The following CACNA1A variants were observed in gnomAD, a reference collection of about 807,000 sequenced individuals.
The protein encoded by CACNA1A is calcium voltage-gated channel subunit alpha1 A, also known as voltage-dependent P/Q-type calcium channel subunit alpha-1A.
A neutral mutation model predicts 262.4 loss-of-function variants in CACNA1A; 57 were observed. That is an observed-to-expected ratio of 0.22 (90% CI 0.18 to 0.27). The LOEUF is 0.27. CACNA1A is among the 10% of genes least tolerant of loss of function. CACNA1A has a pLI of 1.00. For synonymous variants in CACNA1A, 1,431 were observed against 1,419.3 expected (o/e 1.01, Z -0.18); for missense variants, 2,526 against 3,562.8 (o/e 0.71, Z 7.41).
At chr19:13,481,644 T>TCA (rs1428643330) in intron 1 of CACNA1A, among the ~76,000 whole-genome samples, 2 of 152,096 alleles carry the variant, frequency 1.3e-5, no homozygotes, top group African/African-American at 4.8e-5. Context: ...TCAGGCGGGC[T>TCA]CACACCATTG....
chr19:13,294,431 C>T (rs2057616518), intron 19 of CACNA1A, among the ~76,000 whole-genome samples: 1 of 150,918 alleles, frequency 6.6e-6, no homozygotes, highest in Non-Finnish European at 1.5e-5. Context: ...CTCAAGCAAT[C>T]CTTTGCCTCA....
At position 13,219,963 on chromosome 19, in the gene CACNA1A, A is replaced by AAG. The variant is rs1555734076; in HGVS notation, c.5731+4703_5731+4704insCT. Among the ~76,000 whole-genome samples the AAG allele has an allele frequency of 2.5e-3, 368 of 147,126 alleles. 1 individual carries two copies. Among genetic ancestry groups the AAG allele is most frequent in the South Asian group, 7.7e-3 (36 of 4,666 alleles). ...AGACTCCGTTTCAAAAAAAAAAAAA[A>AAG]AAAGAAAGAAAATGCTGGGCATGGT... On this transcript the variant is annotated intron_variant, in intron 38 of 46. Transcript: ENST00000360228.
chr19:13,415,100 T>C (rs949565537), intron 3 of CACNA1A, among the ~76,000 whole-genome samples: 1 of 151,084 alleles, frequency 6.6e-6, no homozygotes, highest in Non-Finnish European at 1.5e-5. Context: ...GAGGAGGGCA[T>C]AGGAGATGGG....
intron 15 of CACNA1A, among the ~76,000 whole-genome samples, chr19:13,305,366 G>C (rs565122495): frequency 3.3e-5 from 5 of 152,286 alleles, no homozygotes; most frequent in South Asian, 2.1e-4. Context: ...GTTGACAGAC[G>C]CAAGTTGTGC....
chr19:13,505,769 G>T (rs1262187605), intron 1 of CACNA1A, among the ~76,000 whole-genome samples, 163 bp downstream of exon 1: 1 of 151,500 alleles, frequency 6.6e-6, no homozygotes, highest in African/African-American at 2.4e-5. Flanking sequence ...GGGGTGGAGA[G>T]ATTCTTTCAC....
intron 3 of CACNA1A, among the ~76,000 whole-genome samples, chr19:13,386,402 C>T (rs778066847): frequency 6.6e-6 from 1 of 152,122 alleles, no homozygotes; most frequent in Non-Finnish European, 1.5e-5. Flanking sequence ...TGAGATGAGT[C>T]ACATGGTAAG....
chr19:13,433,160 G>A (rs1243880923), intron 3 of CACNA1A, among the ~76,000 whole-genome samples: 1 of 151,924 alleles, frequency 6.6e-6, no homozygotes, highest in Non-Finnish European at 1.5e-5. Context: ...AGGCGAGGTA[G>A]CAGGCACCTG....
At chr19:13,310,515 T>TAGAGAGAGAG (rs148544563) in intron 12 of CACNA1A, among the ~76,000 whole-genome samples, 13 of 69,396 alleles carry the variant, frequency 1.9e-4, no homozygotes, top group South Asian at 7.4e-4. Context: ...TATATATATG[T>TAGAGAGAGAG]AGAGAGAGAG....
intron 1 of CACNA1A, among the ~76,000 whole-genome samples, chr19:13,489,232 G>C (rs1165132353): frequency 3.3e-5 from 5 of 151,254 alleles, no homozygotes; most frequent in Non-Finnish European, 7.4e-5. Flanking sequence ...GGATGATCTC[G>C]ATCTCCTGAC....
intron 4 of CACNA1A, among the ~76,000 whole-genome samples, chr19:13,366,743 A>AT (rs36014393): frequency 0.27 from 40,677 of 150,764 alleles, 5,837 homozygotes; most frequent in Middle Eastern, 0.33. Flanking sequence ...CATTTTCTTA[A>AT]TTTTTTTTTT....
intron 6 of CACNA1A, among the ~76,000 whole-genome samples, chr19:13,343,815 G>A (rs2058714711): frequency 6.6e-6 from 1 of 152,154 alleles, no homozygotes; most frequent in African/African-American, 2.4e-5. Flanking sequence ...CAACACCTGT[G>A]AGATGCAGCA....
chr19:13,207,823 G>T lies in CACNA1A; in HGVS notation c.7011C>A (p.Gly2337=), dbSNP rs1415260791. The change falls in exon 47 of 47, where the codon GGC becomes GGA. Residue 2337 remains glycine, a synonymous_variant. Transcript: ENST00000360228. This position sits in a 1 kb window ranked among gnomAD's most constrained non-coding sequence, Gnocchi z 5.7. ...CCGTGGGGCCTGGGTACCTCCGAGG[G>T]CCGCTGGTGGCCGCCCGGCCCGGCC... The part of the protein sequence containing the change: ...VARPGRAATS[G]PRRYPGPTAE... The T allele has an allele frequency of 6.8e-7, 1 of 1,462,090 alleles. No individual in the cohort carries two copies. Among genetic ancestry groups the T allele is most frequent in the African/African-American group, 1.5e-5 (1 of 67,480 alleles). 90.6% of individuals were successfully genotyped at this position (1,462,090 alleles called of 1,614,324 possible). A position where few individuals can be genotyped will look rare whatever the true frequency, so the allele number is the denominator to read the frequency against.
Position 13,208,782 on chromosome 19 carries a change from C to T in CACNA1A, c.6754G>A (p.Gly2252Ser), listed in dbSNP as rs1433873178. The T allele has an allele frequency of 9.6e-6, 15 of 1,567,090 alleles. No individual in the cohort carries two copies. Among genetic ancestry groups the T allele is most frequent in the Middle Eastern group, 2.2e-4 (1 of 4,554 alleles). The stretch of plus-strand genomic sequence containing the variant: ...TGCCGGTGCGCCATGTGCTCTCGGC[C>T]CTCGCTGGGCGAGCGGGACCAGCGC... ...DQRWSRSPSE[G>S]REHMAHRQGS... Residue 2252 changes from glycine (G) to serine (S), a missense_variant, in exon 46 of 47, where the codon GGC becomes AGC. Coordinates refer to ENST00000360228, the MANE Select transcript of CACNA1A (RefSeq NM_001127222.2).
intron 3 of CACNA1A, among the ~76,000 whole-genome samples, chr19:13,423,507 T>C (rs2060350532): frequency 6.6e-6 from 1 of 151,938 alleles, no homozygotes; most frequent in African/African-American, 2.4e-5. Flanking sequence ...TTTCTTTTCT[T>C]TTCTTTTCTT....
intron 3 of CACNA1A, among the ~76,000 whole-genome samples, chr19:13,445,750 C>T (rs1404054443): frequency 6.6e-6 from 1 of 152,078 alleles, no homozygotes; most frequent in Non-Finnish European, 1.5e-5. Flanking sequence ...GTTTCATGAT[C>T]AGAACACAAA....
intron 1 of CACNA1A, among the ~76,000 whole-genome samples, chr19:13,487,000 TG>T (rs1277051310): frequency 6.6e-6 from 1 of 152,202 alleles, no homozygotes; most frequent in Non-Finnish European, 1.5e-5. Context: ...AGGCCCTGGC[TG>T]GGGGAAATGG....
intron 6 of CACNA1A, among the ~76,000 whole-genome samples, chr19:13,359,374 T>C (rs1415539364): frequency 6.6e-6 from 1 of 152,196 alleles, no homozygotes; most frequent in Non-Finnish European, 1.5e-5. Context: ...AAAATGATGT[T>C]GCATCTGGGG....
intron 15 of CACNA1A, among the ~76,000 whole-genome samples, chr19:13,305,845 AG>A (rs2057890221): frequency 6.6e-6 from 1 of 152,138 alleles, no homozygotes; most frequent in Non-Finnish European, 1.5e-5. Context: ...GCAGATCACG[AG>A]GCCAGGAGTT....
At chr19:13,239,279 G>A (rs1243766903) in intron 31 of CACNA1A, among the ~76,000 whole-genome samples, 2 of 151,854 alleles carry the variant, frequency 1.3e-5, no homozygotes, top group Non-Finnish European at 2.9e-5. Flanking sequence ...ACATTCCCTC[G>A]CTTGCAGATC....
Sources: gnomAD v4.1 joint callset for allele counts (sites outside exome capture counted in the v4.1 genomes callset) on GRCh38, gnomAD v4.1.1 for gene constraint, Gnocchi (gnomAD v3.1) non-coding constraint, MANE v1.5 for transcripts, NCBI Gene and HGNC (gene_info 2026-07-23, HGNC 2026-07-21) for gene names.